The following SRPK1 variants were observed in gnomAD, a reference collection of about 807,000 sequenced individuals.
SRPK1 encodes the protein SRSF protein kinase 1, also known as SFRS protein kinase 1.
In SRPK1, 52 loss-of-function variants were observed where a neutral mutation model predicts 89.5. The ratio of observed to expected loss-of-function variants is 0.58; its 90% CI spans 0.46 to 0.73. The LOEUF is 0.73. Among genes scored for constraint, SRPK1 ranks in the 30% least tolerant of loss-of-function variants. The probability of loss-of-function intolerance (pLI) is 0.00; values close to 1 mark genes in which losing one functional copy is unlikely to be tolerated. For synonymous variants in SRPK1, 255 were observed against 270.2 expected (o/e 0.94, Z 0.55); for missense variants, 603 against 780.6 (o/e 0.77, Z 2.71).
At chr6:35,897,565 A>T (rs1770650662) in intron 2 of SRPK1, among the ~76,000 whole-genome samples, 1 of 152,238 alleles carries the variant, frequency 6.6e-6, no homozygotes, top group African/African-American at 2.4e-5. Flanking sequence ...CCCAGGCTGC[A>T]GTGCAGTGGT....
intron 13 of SRPK1, among the ~76,000 whole-genome samples, chr6:35,854,092 A>G (rs1006368085): frequency 2.0e-4 from 31 of 152,114 alleles, no homozygotes; most frequent in African/African-American, 7.0e-4. Flanking sequence ...CTGAGGTTAC[A>G]GGCATGTGCC....
rs963067463 is a variant in SRPK1, at chr6:35,888,257, A to G, written c.303-146T>C. On this transcript the variant is annotated intron_variant, in intron 4 of 15. Transcript: ENST00000373825. ...ACAAGCTACTTCTATGGGAACATTTATACTTGTTAATGACACTAACTGGCC... is the reference window on the plus strand; with the variant it reads ...ACAAGCTACTTCTATGGGAACATTTGTACTTGTTAATGACACTAACTGGCC... The G allele has an allele frequency of 1.3e-5, 6 of 477,578 alleles. No homozygotes were observed. In the Admixed American group the frequency reaches 2.0e-4, roughly 16 times the overall value. 29.6% of individuals were successfully genotyped at this position (477,578 alleles called of 1,614,324 possible). A position where few individuals can be genotyped will look rare whatever the true frequency, so the allele number is the denominator to read the frequency against.
intron 5 of SRPK1, 195 bp downstream of exon 5, chr6:35,887,829 T>C (rs1252509612): frequency 1.3e-5 from 5 of 396,412 alleles, no homozygotes; most frequent in Non-Finnish European, 1.8e-5. Context: ...ATTCTCATCA[T>C]AGCATTTGCC....
In SRPK1 at chr6:35,886,807, C is replaced by T. The variant is rs775640291; in HGVS notation, c.395G>A (p.Arg132His). The change falls in exon 6 of 16, where the codon CGC becomes CAC. Residue 132 changes from arginine to histidine, a missense_variant. Transcript: ENST00000373825. ...ATTTGGATCATTAGGGTCTGAATTGCGAACCTGTAGTGGGGAAGAGACAGT... is the reference window on the plus strand; with the variant it reads ...ATTTGGATCATTAGGGTCTGAATTGTGAACCTGTAGTGGGGAAGAGACAGT... Reference protein sequence around the residue: ...LDEIRLLKSVRNSDPNDPNRE... With the variant: ...LDEIRLLKSVHNSDPNDPNRE... 1.9e-6 allele frequency: 3 copies of T among 1,599,706 alleles called. No individual in the cohort carries two copies. Among genetic ancestry groups the T allele is most frequent in the East Asian group, 2.2e-5 (1 of 44,780 alleles).
chr6:35,915,997 TACACACACACACACACACACACACACAC>T (rs57574093), intron 2 of SRPK1, among the ~76,000 whole-genome samples: 3 of 90,230 alleles, frequency 3.3e-5, no homozygotes, highest in African/African-American at 1.1e-4. Flanking sequence ...AAAAAATATA[TACACACACACACACACACACACACACAC>T]ACACACACAC....
chr6:35,858,927 T>C (rs1311746347), intron 12 of SRPK1, among the ~76,000 whole-genome samples: 1 of 152,106 alleles, frequency 6.6e-6, no homozygotes, highest in African/African-American at 2.4e-5. Flanking sequence ...AAGATAATAG[T>C]AGAAAGAACA....
chr6:35,892,337 G>C (rs1401862392), intron 2 of SRPK1, among the ~76,000 whole-genome samples: 1 of 152,102 alleles, frequency 6.6e-6, no homozygotes, highest in Non-Finnish European at 1.5e-5. Flanking sequence ...CTTATTAGTT[G>C]CCTGTCTTCT....
chr6:35,868,917 G>T, intron 12 of SRPK1, 93 bp downstream of exon 12: 1 of 935,992 alleles, frequency 1.1e-6, no homozygotes, highest in Non-Finnish European at 1.6e-6. Context: ...ATCAATCTGG[G>T]TACAGAATTA....
chr6:35,885,873 T>C (rs941220666), intron 6 of SRPK1, among the ~76,000 whole-genome samples: 1 of 152,078 alleles, frequency 6.6e-6, no homozygotes, highest in Admixed American at 6.5e-5. Flanking sequence ...TTCTAAAACA[T>C]CCAGATAAAA....
At chr6:35,895,435 TTGTGTG>T (rs10566123) in intron 2 of SRPK1, among the ~76,000 whole-genome samples, 114 of 147,726 alleles carry the variant, frequency 7.7e-4, no homozygotes, top group African/African-American at 9.5e-4. Context: ...AGGCATATGC[TTGTGTG>T]TGTGTGTGTG....
chr6:35,861,652 C>A (rs1769784522), intron 12 of SRPK1, among the ~76,000 whole-genome samples: 1 of 152,236 alleles, frequency 6.6e-6, no homozygotes, highest in South Asian at 2.1e-4. Context: ...TGGTCCCAGG[C>A]ATAAAGTGCT....
chr6:35,888,083 C>G lies in SRPK1; in HGVS notation c.331G>C (p.Val111Leu), dbSNP rs772278351. 4 of 1,607,148 alleles carry G rather than the reference C, an allele frequency of 2.5e-6. No homozygotes were observed. Among genetic ancestry groups the G allele is most frequent in the Non-Finnish European group, 3.4e-6 (4 of 1,178,038 alleles). ...QGKKFVAMKV[V>L]KSAEHYTETA... ...TCAGTGTAATGTTCAGCACTTTTAA[C>G]TACTTTCATTGCCACAAATTTCTTC... Residue 111 changes from valine (V) to leucine (L), a missense_variant, in exon 5 of 16, where the codon GTT (valine) becomes CTT (leucine). Coordinates refer to ENST00000373825, the MANE Select transcript of SRPK1 (RefSeq NM_003137.5).
chr6:35,872,843 G>A (rs950474464), intron 7 of SRPK1, 115 bp from the exon 8 acceptor site: 3 of 953,760 alleles, frequency 3.1e-6, no homozygotes, highest in Admixed American at 3.9e-5. Context: ...GTTTTCTATA[G>A]AGAATAAAAG....
At chr6:35,878,453 CTT>C (rs1770204827) in intron 6 of SRPK1, among the ~76,000 whole-genome samples, 1 of 152,156 alleles carries the variant, frequency 6.6e-6, no homozygotes, top group Non-Finnish European at 1.5e-5. Context: ...TAATGTGATT[CTT>C]AAGAAACTCT....
intron 2 of SRPK1, among the ~76,000 whole-genome samples, chr6:35,892,877 C>T (rs1421950253): frequency 6.6e-6 from 1 of 152,200 alleles, no homozygotes; most frequent in African/African-American, 2.4e-5. Flanking sequence ...AAACCAGTTA[C>T]ATGCTATGAC....
chr6:35,866,161 G>C (rs986184134), intron 12 of SRPK1, among the ~76,000 whole-genome samples: 2 of 151,878 alleles, frequency 1.3e-5, no homozygotes, highest in Admixed American at 6.6e-5. Flanking sequence ...ACCACAATGA[G>C]GTATCTTTCA....
chr6:35,906,414 AG>A (rs1770849309), intron 2 of SRPK1, among the ~76,000 whole-genome samples: 2 of 152,178 alleles, frequency 1.3e-5, no homozygotes, highest in Admixed American at 1.3e-4. Flanking sequence ...TAGTAGAGAC[AG>A]GGTTAGGCCA....
chr6:35,875,178 C>G (rs567598357), intron 6 of SRPK1, among the ~76,000 whole-genome samples: 1 of 151,790 alleles, frequency 6.6e-6, no homozygotes, highest in East Asian at 1.9e-4. Flanking sequence ...CCTTGCTGTT[C>G]TAACAAATAA....
In SRPK1 at chr6:35,859,756, T is replaced by C. The variant is rs1769739478; in HGVS notation, c.1513-2388A>G. ...GAAGTGAGATCCAATCTGAATTCAATGGGGTGCAACACACATGTATTGTTC... is the reference window on the plus strand; with the variant it reads ...GAAGTGAGATCCAATCTGAATTCAACGGGGTGCAACACACATGTATTGTTC... On this transcript the variant is annotated intron_variant, in intron 12 of 15. Transcript: ENST00000373825. 4.6e-5 allele frequency among the ~76,000 whole-genome samples: 7 copies of C among 152,298 alleles called. No homozygotes were observed. The South Asian group carries it at 1.2e-3, about 27-fold the overall frequency.
Sources: gnomAD v4.1 joint callset for allele counts (sites outside exome capture counted in the v4.1 genomes callset) on GRCh38, gnomAD v4.1.1 for gene constraint, MANE v1.5 for transcripts, NCBI Gene and HGNC (gene_info 2026-07-23, HGNC 2026-07-21) for gene names.